DGKI: variants seen among roughly 807,000 people sequenced by gnomAD.
The protein encoded by DGKI is diacylglycerol kinase iota, also known as DAG kinase iota.
DGKI carries 55 observed loss-of-function variants against 147.5 expected under a neutral mutation model. The observed-to-expected ratio is 0.37, with a 90% CI of 0.30 to 0.47. The LOEUF (loss-of-function observed/expected upper bound fraction) is 0.47, where lower values mean the gene tolerates loss of function less well. DGKI is among the 20% of genes least tolerant of loss of function. The pLI is 1.00. For missense variants in DGKI, 1,007 were observed against 1,323.8 expected (o/e 0.76, Z 3.71); for synonymous variants, 469 against 477.1 (o/e 0.98, Z 0.22).
intron 27 of DGKI, among the ~76,000 whole-genome samples, chr7:137,461,587 A>T (rs1406064567): frequency 6.6e-6 from 1 of 152,204 alleles, no homozygotes; most frequent in East Asian, 1.9e-4. Context: ...GATTTAACAC[A>T]ACAATTTTAT....
chr7:137,780,559 C>CT (rs1463161712), intron 1 of DGKI, among the ~76,000 whole-genome samples: 1 of 152,162 alleles, frequency 6.6e-6, no homozygotes, highest in Non-Finnish European at 1.5e-5. Context: ...CGTGGTTTCA[C>CT]TTTGTCATCC....
At chr7:137,506,504 G>A (rs1174567245) in intron 21 of DGKI, among the ~76,000 whole-genome samples, 4 of 152,094 alleles carry the variant, frequency 2.6e-5, no homozygotes, top group African/African-American at 7.2e-5. Context: ...GAAATATTCT[G>A]TACAATACAA....
At chr7:137,524,893 G>T (rs1001951936) in intron 20 of DGKI, among the ~76,000 whole-genome samples, 1 of 152,158 alleles carries the variant, frequency 6.6e-6, no homozygotes, top group African/African-American at 2.4e-5. Flanking sequence ...CTGCTGACCA[G>T]TTCCTGGACT....
chr7:137,494,828 A>T (rs1815900183), intron 21 of DGKI, among the ~76,000 whole-genome samples: 1 of 152,178 alleles, frequency 6.6e-6, no homozygotes, highest in African/African-American at 2.4e-5. Context: ...ATTAATGCTA[A>T]CTTTGAATGT....
At chr7:137,613,111 A>G (rs1451047064) in intron 8 of DGKI, among the ~76,000 whole-genome samples, 1 of 152,122 alleles carries the variant, frequency 6.6e-6, no homozygotes, top group Admixed American at 6.6e-5. Context: ...AAACTTAACT[A>G]CCTCTTATTA....
Position 137,571,410 on chromosome 7 carries a change from C to T in DGKI, c.1836-124G>A. ...TAAAAACAGTTTTCCATTCTTGGTA[C>T]ACACCTTCCATTAGAAAAGGAAATG... On this transcript the variant is annotated intron_variant, in intron 18 of 32. Transcript: ENST00000614521. 7.6e-6 allele frequency: 5 copies of T among 659,474 alleles called. No individual in the cohort carries two copies. In the South Asian group the frequency reaches 7.9e-5, roughly 10 times the overall value. 40.9% of individuals were successfully genotyped at this position (659,474 alleles called of 1,614,324 possible). A position where few individuals can be genotyped will look rare whatever the true frequency, so the allele number is the denominator to read the frequency against.
chr7:137,647,926 T>C lies in DGKI; in HGVS notation c.739-2389A>G, dbSNP rs565086884. 9.8e-5 allele frequency among the ~76,000 whole-genome samples: 15 copies of C among 152,288 alleles called. No homozygotes were observed. The South Asian group carries it at 1.5e-3, about 15-fold the overall frequency. On this transcript the variant is annotated intron_variant, in intron 5 of 32. Transcript: ENST00000614521. ...TTTTACAGATAAGGAAACTAATGCA[T>C]AGAAGTGGTTACTCAAAATGTAAAG...
At chr7:137,814,282 C>G (rs956300948) in intron 1 of DGKI, among the ~76,000 whole-genome samples, 1 of 152,164 alleles carries the variant, frequency 6.6e-6, no homozygotes, top group African/African-American at 2.4e-5. Context: ...GAATGGAACA[C>G]CGTCATGTGT....
chr7:137,579,295 A>G (rs1819096773), intron 15 of DGKI, among the ~76,000 whole-genome samples: 1 of 152,104 alleles, frequency 6.6e-6, no homozygotes, highest in Admixed American at 6.5e-5. Context: ...ACAGCCACTC[A>G]CTATCTACTG....
At chr7:137,415,995 C>T (rs999891586) in intron 28 of DGKI, among the ~76,000 whole-genome samples, 16 of 22,152 alleles carry the variant, frequency 7.2e-4, no homozygotes, top group African/African-American at 9.8e-4. Flanking sequence ...GTCTCAAAAC[C>T]AACCAACAAA....
In DGKI at chr7:137,654,777, T is replaced by C. The variant is rs750358193; in HGVS notation, c.693A>G (p.Arg231=). 1.2e-6 allele frequency: 2 copies of C among 1,605,426 alleles called. No individual in the cohort carries two copies. Among genetic ancestry groups the C allele is most frequent in the South Asian group, 1.1e-5 (1 of 90,812 alleles). Residue 231 remains arginine (R), a synonymous_variant, in exon 5 of 33, where the codon AGA becomes AGG. Coordinates refer to ENST00000614521, the MANE Select transcript of DGKI (RefSeq NM_001321708.2). ...CTCCTTCTCGAAATGTTGGTTTACATCTGAAATTAATCTGTCATTCAAAAA... is the reference window on the plus strand; with the variant it reads ...CTCCTTCTCGAAATGTTGGTTTACACCTGAAATTAATCTGTCATTCAAAAA... ...CIEQLEKINF[R]CKPTFREGGS... is the part of the protein sequence containing the mutation.
In DGKI at chr7:137,465,914, G is replaced by T. The variant is rs1226361203; in HGVS notation, c.2606C>A (p.Ala869Asp). The T allele has an allele frequency of 6.2e-7, 1 of 1,613,732 alleles. No homozygotes were observed. The highest frequency in any genetic ancestry group is 8.5e-7 in the Non-Finnish European group (1 of 1,179,892). ...PGMPDLVVEQ[A>D]SGISDWWNPA... ...CCAGGAGAAGCACACTCACCCCGAGGCTTGTTCCACCACCAGGTCAGGCAT... is the reference window on the plus strand; with the variant it reads ...CCAGGAGAAGCACACTCACCCCGAGTCTTGTTCCACCACCAGGTCAGGCAT... Residue 869 changes from alanine (A) to aspartate (D), a missense_variant, in exon 26 of 33, where the codon GCC becomes GAC. Coordinates refer to ENST00000614521, the MANE Select transcript of DGKI (RefSeq NM_001321708.2).
In DGKI at chr7:137,681,803, A is replaced by G. The variant is rs545652133; in HGVS notation, c.511-3151T>C. ...CTCCAAGAAAGTAATCTCTAAGCCC[A>G]TGGAAAGTCCTGCCTGATAAAAGTG... On this transcript the variant is annotated intron_variant, in intron 2 of 32. Coordinates refer to ENST00000614521, the MANE Select transcript of DGKI (RefSeq NM_001321708.2). Among the ~76,000 whole-genome samples, 4 of 152,390 alleles carry G rather than the reference A, an allele frequency of 2.6e-5. No individual in the cohort carries two copies. The East Asian group carries it at 7.7e-4, about 29-fold the overall frequency.
At chr7:137,486,876 C>T (rs1170698470) in intron 22 of DGKI, among the ~76,000 whole-genome samples, 1 of 152,048 alleles carries the variant, frequency 6.6e-6, no homozygotes, top group Non-Finnish European at 1.5e-5. Flanking sequence ...GTCTAGGCCA[C>T]ACCCAAGAAA....
intron 1 of DGKI, among the ~76,000 whole-genome samples, chr7:137,763,197 C>T (rs1436034550): frequency 2.0e-5 from 3 of 152,282 alleles, no homozygotes; most frequent in East Asian, 1.9e-4. Context: ...GAATGACTAC[C>T]GTCAAATGTC....
At chr7:137,752,127 T>C (rs1044700251) in intron 1 of DGKI, among the ~76,000 whole-genome samples, 2 of 152,156 alleles carry the variant, frequency 1.3e-5, no homozygotes, top group East Asian at 3.9e-4. Flanking sequence ...AGAAACCTCT[T>C]CTATCCTATT....
intron 1 of DGKI, among the ~76,000 whole-genome samples, chr7:137,751,411 T>A (rs541244100): frequency 6.6e-6 from 1 of 152,228 alleles, no homozygotes; most frequent in Non-Finnish European, 1.5e-5. Context: ...GTACCTCTCA[T>A]AGCACCTGAA....
At chr7:137,497,338 T>C (rs1816005245) in intron 21 of DGKI, among the ~76,000 whole-genome samples, 1 of 152,210 alleles carries the variant, frequency 6.6e-6, no homozygotes, top group African/African-American at 2.4e-5. Flanking sequence ...TATACACTGC[T>C]AATGGGAATG....
intron 23 of DGKI, among the ~76,000 whole-genome samples, chr7:137,472,240 G>A (rs1211612499): frequency 9.7e-6 from 1 of 102,800 alleles, no homozygotes; most frequent in Non-Finnish European, 1.8e-5. Flanking sequence ...TATAATATAT[G>A]TATATATACA....
Sources: gnomAD v4.1 joint callset for allele counts (sites outside exome capture counted in the v4.1 genomes callset) on GRCh38, gnomAD v4.1.1 for gene constraint, MANE v1.5 for transcripts, NCBI Gene and HGNC (gene_info 2026-07-23, HGNC 2026-07-21) for gene names.